SUMF1: variants seen among roughly 807,000 people sequenced by gnomAD.
The protein encoded by SUMF1 is formylglycine-generating enzyme.
A neutral mutation model predicts 47.6 loss-of-function variants in SUMF1; 48 were observed. The observed-to-expected ratio is 1.01, with a 90% CI of 0.80 to 1.28. SUMF1 has a LOEUF of 1.28. SUMF1 is among the 50% of genes most tolerant of loss of function. The pLI, the probability that SUMF1 is intolerant of heterozygous loss-of-function variation, is 0.00. For missense variants in SUMF1, 571 were observed against 485.4 expected, an observed-to-expected ratio of 1.18 and a Z score of -1.66; for synonymous variants, 230 against 192.1, an observed-to-expected ratio of 1.20 and a Z score of -1.63.
chr3:4,137,249 T>G lies in SUMF1; in HGVS notation c.1015-68504A>C, dbSNP rs569798114. 3.3e-5 allele frequency among the ~76,000 whole-genome samples: 5 copies of G among 152,120 alleles called. No homozygotes were observed. The South Asian group carries it at 1.0e-3, about 32-fold the overall frequency. Reference sequence around the variant, plus strand: ...AATGTCCAAAAATGATAGACTGGATTAAGAAAATGTGGCACATATACACCA... The same window carrying G: ...AATGTCCAAAAATGATAGACTGGATGAAGAAAATGTGGCACATATACACCA... On this transcript the variant is annotated intron_variant and NMD_transcript_variant, in intron 8 of 12. Transcript: ENST00000448413.
chr3:4,171,280 C>T lies in SUMF1; in HGVS notation c.1015-102535G>A, dbSNP rs138680081. On this transcript the variant is annotated intron_variant and NMD_transcript_variant, in intron 8 of 12. Transcript: ENST00000448413. ...AGGATTCTCTAATACACAAGGAAATCCCCTCATCATGCATTTGACAAAATG... is the reference window on the plus strand; with the variant it reads ...AGGATTCTCTAATACACAAGGAAATTCCCTCATCATGCATTTGACAAAATG... 3.5e-4 allele frequency among the ~76,000 whole-genome samples: 54 copies of T among 152,146 alleles called. 2 individuals are homozygous for T. The East Asian group carries it at 0.01, about 29-fold the overall frequency.
intron 8 of SUMF1, among the ~76,000 whole-genome samples, chr3:4,182,331 G>A (rs1393468161): frequency 6.6e-6 from 1 of 151,166 alleles, no homozygotes; most frequent in Non-Finnish European, 1.5e-5. Flanking sequence ...ATAGAGCACT[G>A]TAAACCAGTA....
intron 8 of SUMF1, among the ~76,000 whole-genome samples, chr3:4,079,633 A>T (rs888346319): frequency 2.0e-5 from 3 of 151,158 alleles, no homozygotes; most frequent in African/African-American, 7.3e-5. Context: ...AATCTACCTG[A>T]TAGGTTGGTT....
At chr3:4,205,794 C>T (rs572445689) in intron 8 of SUMF1, among the ~76,000 whole-genome samples, 5 of 152,218 alleles carry the variant, frequency 3.3e-5, no homozygotes, top group Non-Finnish European at 5.9e-5. Flanking sequence ...TCTCTCTTCA[C>T]GCTGACCTAC....
chr3:4,404,476 G>T (rs1701312284), intron 7 of SUMF1, among the ~76,000 whole-genome samples: 1 of 140,272 alleles, frequency 7.1e-6, no homozygotes, highest in South Asian at 2.1e-4. Context: ...CATGTGAGTG[G>T]GCCAGGTGCA....
intron 1 of SUMF1, among the ~76,000 whole-genome samples, chr3:4,463,591 G>A (rs1288285654): frequency 6.6e-6 from 1 of 152,218 alleles, no homozygotes; most frequent in Non-Finnish European, 1.5e-5. Context: ...GAACTGAGAG[G>A]ATAGAAAAAC....
chr3:4,055,879 G>A (rs1695184071), intron 9 of SUMF1, among the ~76,000 whole-genome samples: 1 of 152,082 alleles, frequency 6.6e-6, no homozygotes, highest in African/African-American at 2.4e-5. Flanking sequence ...AGGCTCTAAG[G>A]AACAATCTGT....
At chr3:4,075,518 G>A (rs1012250949) in intron 8 of SUMF1, among the ~76,000 whole-genome samples, 7 of 152,032 alleles carry the variant, frequency 4.6e-5, no homozygotes, top group African/African-American at 1.7e-4. Flanking sequence ...AGAAAAAAAG[G>A]GTATTCAATT....
At chr3:4,312,763 T>C (rs1698460483) in intron 8 of SUMF1, 1 of 985,528 alleles carries the variant, frequency 1.0e-6, no homozygotes. Context: ...AATATCTTAG[T>C]ATGCTGTGTT....
intron 8 of SUMF1, among the ~76,000 whole-genome samples, chr3:4,332,677 G>A (rs1445642578): frequency 6.6e-6 from 1 of 152,204 alleles, no homozygotes; most frequent in Non-Finnish European, 1.5e-5. Flanking sequence ...TTTTGGCTTA[G>A]CTTGTTTTCT....
At chr3:4,249,357 G>C (rs1320648816) in intron 8 of SUMF1, among the ~76,000 whole-genome samples, 1 of 152,004 alleles carries the variant, frequency 6.6e-6, no homozygotes, top group Non-Finnish European at 1.5e-5. Flanking sequence ...CTGAGTCTAA[G>C]TCTATTGGCC....
intron 6 of SUMF1, among the ~76,000 whole-genome samples, chr3:4,411,237 A>T (rs1701531294): frequency 6.6e-6 from 1 of 152,170 alleles, no homozygotes; most frequent in African/African-American, 2.4e-5. Context: ...TTCCTAATAG[A>T]GTTACTAATA....
At chr3:4,090,367 T>C (rs1692759497) in intron 8 of SUMF1, among the ~76,000 whole-genome samples, 2 of 152,072 alleles carry the variant, frequency 1.3e-5, no homozygotes, top group East Asian at 3.9e-4. Flanking sequence ...AACTGGCATG[T>C]CTAAGTTGTC....
intron 6 of SUMF1, among the ~76,000 whole-genome samples, chr3:4,413,637 A>C (rs962579456): frequency 6.6e-6 from 1 of 152,110 alleles, no homozygotes; most frequent in African/African-American, 2.4e-5. Context: ...ATAAGCTGAT[A>C]TGCGTTAAAG....
chr3:4,405,127 G>C (rs945877625), intron 7 of SUMF1, among the ~76,000 whole-genome samples: 2 of 152,168 alleles, frequency 1.3e-5, no homozygotes, highest in African/African-American at 4.8e-5. Context: ...GGAGTTTAGA[G>C]GATCTAAAAA....
chr3:4,271,932 T>C lies in SUMF1; in HGVS notation c.1014+104398A>G, dbSNP rs183298571. On this transcript the variant is annotated intron_variant and NMD_transcript_variant, in intron 8 of 12. Transcript: ENST00000448413. ...AAGACTATTCCTACATAGCCTCTGGTTGATGTAAGATAAGCCAAGAAAAAA... is the reference window on the plus strand; with the variant it reads ...AAGACTATTCCTACATAGCCTCTGGCTGATGTAAGATAAGCCAAGAAAAAA... 3.8e-4 allele frequency among the ~76,000 whole-genome samples: 58 copies of C among 152,282 alleles called. 1 individual carries two copies. In the East Asian group the frequency reaches 0.011, roughly 28 times the overall value.
At chr3:4,181,910 T>A (rs1695104968) in intron 8 of SUMF1, among the ~76,000 whole-genome samples, 1 of 150,112 alleles carries the variant, frequency 6.7e-6, no homozygotes. Context: ...TGCTACTGCA[T>A]TCTGGCACTG....
chr3:4,303,194 A>T, intron 8 of SUMF1: 1 of 553,320 alleles, frequency 1.8e-6, no homozygotes, highest in Non-Finnish European at 3.1e-6. Context: ...CCTCTGGCTG[A>T]AATCAAAACG....
chr3:4,329,093 T>C (rs1206568403), intron 8 of SUMF1, among the ~76,000 whole-genome samples: 1 of 152,226 alleles, frequency 6.6e-6, no homozygotes, highest in African/African-American at 2.4e-5. Context: ...TCTCTGCCTC[T>C]GTGGCTTTGC....
Sources: allele counts gnomAD v4.1 joint callset (sites outside exome capture counted in the v4.1 genomes callset), GRCh38; gene constraint gnomAD v4.1.1; transcripts MANE v1.5; gene names NCBI Gene and HGNC (gene_info 2026-07-23, HGNC 2026-07-21).